ZNF197: variants seen among roughly 807,000 people sequenced by gnomAD.
ZNF197 encodes the protein zinc finger protein 197, also known as VHL-associated KRAB-A domain-containing protein.
In ZNF197, 14 loss-of-function variants were observed where a neutral mutation model predicts 27.4. That is an observed-to-expected ratio of 0.51 (90% confidence interval 0.34 to 0.80). ZNF197 has a LOEUF of 0.80. Ranked by LOEUF, ZNF197 falls within the 30% of genes least tolerant of loss-of-function variation. The probability of loss-of-function intolerance (pLI) is 0.02; values close to 1 mark genes in which losing one functional copy is unlikely to be tolerated. For synonymous variants in ZNF197, 415 were observed against 420.0 expected (o/e 0.99, Z 0.15); for missense variants, 1,090 against 1,222.6 (o/e 0.89, Z 1.62).
rs527942142 is a variant in ZNF197, at chr3:44,632,980, C to A, written c.769+381C>A. 6.7e-4 allele frequency among the ~76,000 whole-genome samples: 102 copies of A among 152,294 alleles called. 1 individual carries two copies. The highest frequency in any genetic ancestry group is 3.4e-3 in the Middle Eastern group (1 of 294). The stretch of plus-strand genomic sequence containing the variant: ...TATTTTAGATAACTGCTATAATAAT[C>A]ATCTGTCTCTGTGCCTAAGGCCTTC... On this transcript the variant is annotated intron_variant, in intron 5 of 5. Transcript: ENST00000344387.
At position 44,632,113 on chromosome 3, in the gene ZNF197, G is replaced by A. The variant is rs1355293466; in HGVS notation, c.559G>A (p.Ala187Thr). Residue 187 changes from alanine to threonine, a missense_variant, in exon 4 of 6, where the codon GCC becomes ACC. By Grantham distance (58) the Ala-to-Thr change is moderately conservative. Coordinates refer to ENST00000344387, the MANE Select transcript of ZNF197 (RefSeq NM_006991.5). The stretch of plus-strand genomic sequence containing the variant: ...TTTTTCTCCCTCCTCAGATTCTCCT[G>A]CCCCTGAAGCTTCTGCCCTTTCCCA... Reference protein sequence around the residue: ...NLQDPQHDSPAPEASALSQEE... With the variant: ...NLQDPQHDSPTPEASALSQEE... 1 of 1,614,064 alleles carries A rather than the reference G, an allele frequency of 6.2e-7. No individual in the cohort carries two copies. Among genetic ancestry groups the A allele is most frequent in the Admixed American group, 1.7e-5 (1 of 60,014 alleles).
chr3:44,648,329 T>TTAAA lies in ZNF197; in HGVS notation c.*4112_*4115dup, dbSNP rs1333226637. 6.6e-6 allele frequency: 1 copy of TTAAA among 152,182 alleles called. No homozygotes were observed. Among genetic ancestry groups the TTAAA allele is most frequent in the Non-Finnish European group, 1.5e-5 (1 of 68,024 alleles). The allele number at this position is 152,182 out of a possible 1,614,324, so 9.4% of individuals were successfully genotyped here. A position where few individuals can be genotyped will look rare whatever the true frequency, so the allele number is the denominator to read the frequency against. The stretch of plus-strand genomic sequence containing the variant: ...GTTTACAACTTTCAAAAAAATGATT[T>TTAAA]TAAATATGTATTGAGAGATCAGGCA... On this transcript the variant is annotated 3_prime_UTR_variant, in exon 6 of 6. Transcript: ENST00000344387.
intron 5 of ZNF197, among the ~76,000 whole-genome samples, chr3:44,636,874 A>G (rs1281069740): frequency 6.6e-6 from 1 of 152,076 alleles, no homozygotes; most frequent in Non-Finnish European, 1.5e-5. Context: ...ACTTGTTATT[A>G]TCTGTCTTTT....
intron 5 of ZNF197, 152 bp downstream of exon 5, chr3:44,632,751 A>T (rs1376727749): frequency 1.0e-6 from 1 of 975,444 alleles, no homozygotes; most frequent in Non-Finnish European, 1.4e-6. Context: ...CCAGATAACT[A>T]TTATCATTTT....
In ZNF197 at chr3:44,643,587, A is replaced by G; in HGVS notation, c.2457A>G (p.Lys819=). The part of the protein sequence containing the change: ...QRIHTREKSY[K]CNDCGKVFSY... Reference sequence around the variant, plus strand: ...TTCACACGAGGGAAAAATCTTATAAATGCAATGACTGTGGGAAGGTCTTCA... The same window carrying G: ...TTCACACGAGGGAAAAATCTTATAAGTGCAATGACTGTGGGAAGGTCTTCA... Residue 819 remains lysine, a synonymous_variant, in exon 6 of 6, where the codon AAA becomes AAG. Transcript: ENST00000344387. 2 of 1,614,168 alleles carry G rather than the reference A, an allele frequency of 1.2e-6. No individual in the cohort carries two copies. The highest frequency in any genetic ancestry group is 1.7e-6 in the Non-Finnish European group (2 of 1,180,024).
At chr3:44,639,506 C>T (rs1702483000) in intron 5 of ZNF197, among the ~76,000 whole-genome samples, 1 of 150,446 alleles carries the variant, frequency 6.6e-6, no homozygotes, top group Non-Finnish European at 1.5e-5. Flanking sequence ...AATTTCTTTC[C>T]CTGTTGTAGA....
chr3:44,644,450 C>G lies in ZNF197; in HGVS notation c.*230C>G. 9.4e-7 allele frequency: 1 copy of G among 1,058,728 alleles called. No homozygotes were observed. Among genetic ancestry groups the G allele is most frequent in the East Asian group, 4.0e-5 (1 of 25,220 alleles). The allele number at this position is 1,058,728 out of a possible 1,614,324, so 65.6% of individuals were successfully genotyped here. A position where few individuals can be genotyped will look rare whatever the true frequency, so the allele number is the denominator to read the frequency against. ...GGTCAGGATTTTGAGACCAGCCTGA[C>G]CAACATGGTGAAACCCCATCTCTAC... On this transcript the variant is annotated 3_prime_UTR_variant, in exon 6 of 6. Coordinates refer to ENST00000344387, the MANE Select transcript of ZNF197 (RefSeq NM_006991.5).
intron 5 of ZNF197, 35 bp from the exon 6 acceptor site, chr3:44,641,865 G>C (rs768256968): frequency 2.0e-6 from 3 of 1,526,640 alleles, no homozygotes; most frequent in Admixed American, 4.4e-5. Flanking sequence ...ACACAGGGAC[G>C]TGGTAACATT....
At position 44,632,587 on chromosome 3, in the gene ZNF197, G is replaced by C. The variant is rs1484729992; in HGVS notation, c.757G>C (p.Val253Leu). 6.3e-7 allele frequency: 1 copy of C among 1,580,966 alleles called. No individual in the cohort carries two copies. The highest frequency in any genetic ancestry group is 8.6e-7 in the Non-Finnish European group (1 of 1,163,410). The change falls in exon 5 of 6, where the codon GTG (valine) becomes CTG (leucine). Residue 253 changes from valine to leucine, a missense_variant. Coordinates refer to ENST00000344387, the MANE Select transcript of ZNF197 (RefSeq NM_006991.5). The stretch of plus-strand genomic sequence containing the variant: ...TGTGATGCTGGAGAATTATGGAAAT[G>C]TGACCTCCCTAGGTAAGGATTCTTC... Reference protein sequence around the residue: ...WDVMLENYGNVTSLEWETMTE... With the variant: ...WDVMLENYGNLTSLEWETMTE...
At chr3:44,639,949 G>T (rs1490967121) in intron 5 of ZNF197, among the ~76,000 whole-genome samples, 1 of 152,176 alleles carries the variant, frequency 6.6e-6, no homozygotes, top group Non-Finnish European at 1.5e-5. Context: ...AGGCAATGAA[G>T]AGTTAGGTGT....
chr3:44,646,118 G>T lies in ZNF197; in HGVS notation c.*1898G>T. The T allele has an allele frequency of 1.0e-6, 1 of 985,312 alleles. No homozygotes were observed. Among genetic ancestry groups the T allele is most frequent in the Non-Finnish European group, 1.2e-6 (1 of 829,876 alleles). The allele number at this position is 985,312 out of a possible 1,614,324, so 61.0% of individuals were successfully genotyped here. ...GAGTGAAAACTGGAAGGGGCCTAAG[G>T]CTTAAAGTCTTAAGACCTGGATGTG... On this transcript the variant is annotated 3_prime_UTR_variant, in exon 6 of 6. Transcript: ENST00000344387.
chr3:44,641,752 T>C, intron 5 of ZNF197, 148 bp from the exon 6 acceptor site: 1 of 916,930 alleles, frequency 1.1e-6, no homozygotes, highest in Non-Finnish European at 1.6e-6. Flanking sequence ...GTAGCATTAT[T>C]CTTTGTACCT....
chr3:44,636,853 T>G (rs1702323790), intron 5 of ZNF197, among the ~76,000 whole-genome samples: 1 of 152,182 alleles, frequency 6.6e-6, no homozygotes, highest in Non-Finnish European at 1.5e-5. Context: ...TTTCTCTGCA[T>G]CATCCCTAAC....
At chr3:44,637,565 T>A (rs1041340533) in intron 5 of ZNF197, among the ~76,000 whole-genome samples, 2 of 152,178 alleles carry the variant, frequency 1.3e-5, no homozygotes, top group Admixed American at 1.3e-4. Flanking sequence ...GCCGGGAAGA[T>A]TTATGTCTAT....
chr3:44,644,426 G>A lies in ZNF197; in HGVS notation c.*206G>A. ...GGCCGAAGCGAGTGGATCACCTGAG[G>A]TCAGGATTTTGAGACCAGCCTGACC... On this transcript the variant is annotated 3_prime_UTR_variant, in exon 6 of 6. Transcript: ENST00000344387. 8.1e-7 allele frequency: 1 copy of A among 1,236,742 alleles called. No homozygotes were observed. Among genetic ancestry groups the A allele is most frequent in the Non-Finnish European group, 1.0e-6 (1 of 971,202 alleles). The allele number at this position is 1,236,742 out of a possible 1,614,324, so 76.6% of individuals were successfully genotyped here. A position where few individuals can be genotyped will look rare whatever the true frequency, so the allele number is the denominator to read the frequency against.
chr3:44,628,968 A>G, intron 1 of ZNF197, 106 bp from the exon 2 acceptor site: 1 of 781,530 alleles, frequency 1.3e-6, no homozygotes, highest in Admixed American at 3.0e-5. Context: ...TTGCACTCAC[A>G]AAGGTTCTCT....
Position 44,637,702 on chromosome 3 carries a change from A to G in ZNF197, c.770-4198A>G, listed in dbSNP as rs141019795. On this transcript the variant is annotated intron_variant, in intron 5 of 5. Coordinates refer to ENST00000344387, the MANE Select transcript of ZNF197 (RefSeq NM_006991.5). ...TGTGGCACCATTTATCCCAGGCACC[A>G]TTTGTTGAAAAGACTGTGCTTTCCC... Among the ~76,000 whole-genome samples the G allele has an allele frequency of 5.2e-4, 79 of 152,334 alleles. 1 individual carries two copies. In the East Asian group the frequency reaches 0.011, roughly 21 times the overall value.
chr3:44,628,919 G>T, intron 1 of ZNF197, 155 bp from the exon 2 acceptor site: 1 of 413,868 alleles, frequency 2.4e-6, no homozygotes, highest in East Asian at 4.5e-5. Flanking sequence ...TTAGGCAGGG[G>T]GTTTCTGTCA....
intron 3 of ZNF197, among the ~76,000 whole-genome samples, chr3:44,631,648 G>A (rs949909209): frequency 2.7e-5 from 4 of 150,558 alleles, no homozygotes; most frequent in East Asian, 2.0e-4. Flanking sequence ...TGATCTGCCC[G>A]CCTTGGCCTC....
Sources: allele counts gnomAD v4.1 joint callset (sites outside exome capture counted in the v4.1 genomes callset), GRCh38; gene constraint gnomAD v4.1.1; transcripts MANE v1.5; gene names NCBI Gene and HGNC (gene_info 2026-07-23, HGNC 2026-07-21).